The following GRTP1 variants were observed in gnomAD, a reference collection of about 807,000 sequenced individuals.
GRTP1 encodes growth hormone-regulated TBC protein 1.
In GRTP1, 56 loss-of-function variants were observed where a neutral mutation model predicts 38.1. The observed-to-expected ratio is 1.47, with a 90% CI of 1.19 to 1.84. The LOEUF (loss-of-function observed/expected upper bound fraction) is 1.84. Among genes scored for constraint, GRTP1 ranks in the 40% most tolerant of loss-of-function variants. The pLI is 0.00. For synonymous variants in GRTP1, 217 were observed against 189.5 expected, an observed-to-expected ratio of 1.14 and a Z score of -1.19; for missense variants, 506 against 453.9, an observed-to-expected ratio of 1.11 and a Z score of -1.04.
intron 2 of GRTP1, among the ~76,000 whole-genome samples, chr13:113,356,372 A>G (rs58802645): frequency 0.28 from 42,600 of 151,954 alleles, 6,550 homozygotes; most frequent in East Asian, 0.62. Context: ...GGTTCAAGCA[A>G]TTCTCCTGCC....
chr13:113,338,744 G>A (rs1395389626), intron 5 of GRTP1, among the ~76,000 whole-genome samples: 1 of 152,116 alleles, frequency 6.6e-6, no homozygotes, highest in Non-Finnish European at 1.5e-5. Flanking sequence ...GCTGCAGAAG[G>A]CTCCACTCCA....
intron 4 of GRTP1, among the ~76,000 whole-genome samples, chr13:113,347,269 C>T (rs1455697251): frequency 1.2e-4 from 4 of 33,102 alleles, no homozygotes; most frequent in East Asian, 1.3e-3. Context: ...TGGCTGAGAG[C>T]AGACCCGGGA....
intron 2 of GRTP1, among the ~76,000 whole-genome samples, chr13:113,362,914 G>C (rs947486224): frequency 1.3e-5 from 2 of 152,176 alleles, no homozygotes; most frequent in African/African-American, 2.4e-5. Context: ...CTCACCCCAG[G>C]CAGACACTTC....
chr13:113,344,994 GA>G (rs1348982907), intron 4 of GRTP1, 35 bp from the exon 5 acceptor site: 1 of 1,579,586 alleles, frequency 6.3e-7, no homozygotes, highest in Non-Finnish European at 8.5e-7. Flanking sequence ...AATTCACATT[GA>G]GTTTTAAGCC....
At position 113,355,472 on chromosome 13, in the gene GRTP1, T is replaced by C. The variant is rs778085990; in HGVS notation, c.191A>G (p.Tyr64Cys). The C allele has an allele frequency of 8.7e-6, 14 of 1,610,688 alleles. No individual in the cohort carries two copies. The highest frequency in any genetic ancestry group is 6.7e-5 in the East Asian group (3 of 44,780). The change falls in exon 3 of 8, where the codon TAT becomes TGT. Residue 64 changes from tyrosine (Y) to cysteine (C), a missense_variant. By Grantham distance (194) the Tyr-to-Cys change is radical. Coordinates refer to ENST00000375431, the MANE Select transcript of GRTP1 (RefSeq NM_024719.4). ...GVPRSRTVKR[Y>C]VRKGVPLEHR... ...CTCCAGCGGGACCCCTTTCCGGACATAGCGCTTCACTGAAGGCCGAGAGGA... is the reference window on the plus strand; with the variant it reads ...CTCCAGCGGGACCCCTTTCCGGACACAGCGCTTCACTGAAGGCCGAGAGGA...
chr13:113,345,876 T>C (rs1043753428), intron 4 of GRTP1, among the ~76,000 whole-genome samples: 2 of 152,140 alleles, frequency 1.3e-5, no homozygotes, highest in East Asian at 3.8e-4. Context: ...AAGATCATGT[T>C]CCAGAAGATG....
intron 4 of GRTP1, among the ~76,000 whole-genome samples, chr13:113,347,468 G>A (rs1372388200): frequency 1.8e-5 from 2 of 108,450 alleles, no homozygotes; most frequent in Non-Finnish European, 1.9e-5. Context: ...GGATCTCTGT[G>A]GCCGAGAGCA....
At chr13:113,326,395 G>GGGGGGGGGGCCCCCCCCCCCCCCCC in intron 5 of GRTP1, among the ~76,000 whole-genome samples, 1 of 64,856 alleles carries the variant, frequency 1.5e-5, no homozygotes, top group Non-Finnish European at 3.3e-5. Flanking sequence ...GGGGGGGCGG[G>GGGGGGGGGGCCCCCCCCCCCCCCCC]AGCGTGGCTC....
chr13:113,337,627 G>A (rs557473024), intron 5 of GRTP1, among the ~76,000 whole-genome samples: 27 of 152,350 alleles, frequency 1.8e-4, no homozygotes, highest in African/African-American at 6.0e-4. Context: ...AAGGTGCAAG[G>A]CCTGAGGCCC....
Position 113,325,645 on chromosome 13 carries a change from G to A in GRTP1, c.921+16C>T, listed in dbSNP as rs372934367. The A allele has an allele frequency of 3.1e-5, 49 of 1,604,794 alleles. No homozygotes were observed. The highest frequency in any genetic ancestry group is 2.7e-4 in the African/African-American group (18 of 66,046). On this transcript the variant is annotated intron_variant, in intron 7 of 7. Transcript: ENST00000375431. ...GCCCCCTGGGAGGGGACTGAGCCACGTGCAGCCCCACACACCTGCATAAAC... is the reference window on the plus strand; with the variant it reads ...GCCCCCTGGGAGGGGACTGAGCCACATGCAGCCCCACACACCTGCATAAAC...
intron 3 of GRTP1, among the ~76,000 whole-genome samples, chr13:113,353,571 G>A (rs1042880115): frequency 5.9e-5 from 9 of 152,210 alleles, no homozygotes; most frequent in East Asian, 3.9e-4. Flanking sequence ...GGAGACAAGC[G>A]TACAGTGGGA....
At chr13:113,327,399 C>T (rs913562500) in intron 5 of GRTP1, among the ~76,000 whole-genome samples, 2 of 152,172 alleles carry the variant, frequency 1.3e-5, no homozygotes, top group African/African-American at 2.4e-5. Flanking sequence ...AGGCTGGTCT[C>T]GAACTCCTGA....
chr13:113,345,440 C>T (rs553336257), intron 4 of GRTP1, among the ~76,000 whole-genome samples: 33 of 152,358 alleles, frequency 2.2e-4, no homozygotes, highest in East Asian at 1.9e-3. Flanking sequence ...TGCCAAAGGG[C>T]GGGTGCTGCC....
Position 113,351,918 on chromosome 13 carries a change from G to C in GRTP1, c.341-945C>G, listed in dbSNP as rs1320136316. ...TGACGCTGAGATGGGTGTACACCCAGCTCTGGAGGAACCCAACCGCCTGTG... is the reference window on the plus strand; with the variant it reads ...TGACGCTGAGATGGGTGTACACCCACCTCTGGAGGAACCCAACCGCCTGTG... On this transcript the variant is annotated intron_variant, in intron 3 of 7. Transcript: ENST00000375431. The C allele has an allele frequency of 2.0e-5, 3 of 152,186 alleles. No homozygotes were observed. The East Asian group carries it at 5.8e-4, about 29-fold the overall frequency. 9.4% of individuals were successfully genotyped at this position (152,186 alleles called of 1,614,324 possible). A position where few individuals can be genotyped will look rare whatever the true frequency, so the allele number is the denominator to read the frequency against.
At chr13:113,336,601 G>A (rs2042958585) in intron 5 of GRTP1, among the ~76,000 whole-genome samples, 2 of 89,430 alleles carry the variant, frequency 2.2e-5, no homozygotes, top group South Asian at 1.1e-3. Flanking sequence ...GGGTGGCCCT[G>A]CCTACACCTA....
At position 113,332,038 on chromosome 13, in the gene GRTP1, G is replaced by A. The variant is rs2042878663; in HGVS notation, c.563-5947C>T. On this transcript the variant is annotated intron_variant, in intron 5 of 7. Transcript: ENST00000375431. Reference sequence around the variant, plus strand: ...AATCCCAGCACTCTGGGAGGCCGAGGTGGGAGGATTGCTTGAGCCCAGGAG... The same window carrying A: ...AATCCCAGCACTCTGGGAGGCCGAGATGGGAGGATTGCTTGAGCCCAGGAG... 5.3e-5 allele frequency among the ~76,000 whole-genome samples: 8 copies of A among 151,644 alleles called. No individual in the cohort carries two copies. In the South Asian group the frequency reaches 1.7e-3, roughly 32 times the overall value.
At chr13:113,360,925 A>C (rs941817420) in intron 2 of GRTP1, among the ~76,000 whole-genome samples, 6 of 152,078 alleles carry the variant, frequency 3.9e-5, no homozygotes, top group African/African-American at 1.4e-4. Flanking sequence ...AGCCTGGCCA[A>C]CAAGGCAAAA....
rs1224134340 is a variant in GRTP1, at chr13:113,349,177, G to A, written c.465+1672C>T. Among the ~76,000 whole-genome samples, 1 of 149,834 alleles carries A rather than the reference G, an allele frequency of 6.7e-6. No individual in the cohort carries two copies. The highest frequency in any genetic ancestry group is 2.5e-5 in the African/African-American group (1 of 40,708). ...GGCAAGGGCCACCCAGGTGGGTGGT[G>A]TTTTTTTTTGTTTGTTTCTCGGTTT... is the stretch of plus-strand genomic sequence containing the variant. On this transcript the variant is annotated intron_variant, in intron 4 of 7. Transcript: ENST00000375431. This position sits in a 1 kb window ranked among gnomAD's most constrained non-coding sequence, Gnocchi z 5.0.
At chr13:113,363,111 C>T (rs891208796) in intron 2 of GRTP1, among the ~76,000 whole-genome samples, 2 of 152,214 alleles carry the variant, frequency 1.3e-5, no homozygotes, top group Non-Finnish European at 2.9e-5. Context: ...AGGAGGGGGC[C>T]CTGCAGCTAA....
Sources: gnomAD v4.1 joint callset for allele counts (sites outside exome capture counted in the v4.1 genomes callset) on GRCh38, gnomAD v4.1.1 for gene constraint, Gnocchi (gnomAD v3.1) non-coding constraint, MANE v1.5 for transcripts, NCBI Gene and HGNC (gene_info 2026-07-23, HGNC 2026-07-21) for gene names.